The following PPP2CA variants were observed in gnomAD, a reference collection of about 807,000 sequenced individuals.
PPP2CA encodes serine/threonine-protein phosphatase 2A catalytic subunit alpha isoform.
Under a neutral mutation model 38.8 loss-of-function variants are expected in PPP2CA, and 5 were observed. That is an observed-to-expected ratio of 0.13 (90% CI 0.07 to 0.27). The LOEUF is 0.27. Ranked by LOEUF, PPP2CA falls within the 10% of genes least tolerant of loss-of-function variation. The pLI is 1.00. For missense variants in PPP2CA, 88 were observed against 389.7 expected (o/e 0.23, Z 6.52); for synonymous variants, 152 against 134.0 (o/e 1.13, Z -0.93).
chr5:134,210,070 G>C (rs926031577), intron 1 of PPP2CA, among the ~76,000 whole-genome samples: 2 of 150,146 alleles, frequency 1.3e-5, no homozygotes, highest in Non-Finnish European at 3.0e-5. Flanking sequence ...AGTGAGCCGT[G>C]ATCATACCAC....
rs74786107 is a variant in PPP2CA, at chr5:134,202,044, A to G, written c.313-23T>C. The G allele has an allele frequency of 4.9e-3, 7,627 of 1,553,944 alleles. 348 individuals carry two copies. In the African/African-American group the frequency reaches 0.096, roughly 19 times the overall value. Reference sequence around the variant, plus strand: ...AACCTAAAACAATAAAATGCAAAACATAAACAACTAGCTCTTTCAAAAACC... The same window carrying G: ...AACCTAAAACAATAAAATGCAAAACGTAAACAACTAGCTCTTTCAAAAACC... On this transcript the variant is annotated intron_variant, in intron 2 of 6. Coordinates refer to ENST00000481195, the MANE Select transcript of PPP2CA (RefSeq NM_002715.4).
At chr5:134,225,676 G>T in intron 1 of PPP2CA, 84 bp downstream of exon 1, 4 of 1,277,024 alleles carry the variant, frequency 3.1e-6, no homozygotes, top group East Asian at 2.8e-5. Flanking sequence ...GGCGGCCTCC[G>T]CCATGTTGCA....
At chr5:134,209,996 T>G (rs1301834649) in intron 1 of PPP2CA, among the ~76,000 whole-genome samples, 1 of 151,890 alleles carries the variant, frequency 6.6e-6, no homozygotes, top group African/African-American at 2.4e-5. Flanking sequence ...GAGAATCGCT[T>G]GAGCCCAGAA....
At chr5:134,204,086 A>G (rs369477245) in intron 2 of PPP2CA, among the ~76,000 whole-genome samples, 1 of 152,224 alleles carries the variant, frequency 6.6e-6, no homozygotes, top group African/African-American at 2.4e-5. Context: ...GAAAATAACG[A>G]TCTCCAAAAA....
At chr5:134,224,561 C>T (rs995022572) in intron 1 of PPP2CA, among the ~76,000 whole-genome samples, 1 of 152,150 alleles carries the variant, frequency 6.6e-6, no homozygotes, top group Non-Finnish European at 1.5e-5. Context: ...TATGATACTC[C>T]ACTATTCTGT....
Position 134,201,829 on chromosome 5 carries a change from G to T in PPP2CA, c.486+19C>A, listed in dbSNP as rs761491660. 3.1e-6 allele frequency: 5 copies of T among 1,606,740 alleles called. No individual in the cohort carries two copies. The highest frequency in any genetic ancestry group is 1.1e-5 in the South Asian group (1 of 89,646). On this transcript the variant is annotated intron_variant, in intron 3 of 6. Transcript: ENST00000481195. ...CAGATTCTCTGAAATAATCAGCAAT[G>T]AGTTTTAGATCCACATACCTGCCCA...
intron 2 of PPP2CA, among the ~76,000 whole-genome samples, chr5:134,205,302 C>G (rs959593654): frequency 6.6e-6 from 1 of 151,848 alleles, no homozygotes; most frequent in African/African-American, 2.4e-5. Flanking sequence ...TATCTAAAAA[C>G]ACAAATCTAA....
At chr5:134,217,426 T>G (rs368373648) in intron 1 of PPP2CA, among the ~76,000 whole-genome samples, 45 of 152,218 alleles carry the variant, frequency 3.0e-4, no homozygotes, top group African/African-American at 9.9e-4. Context: ...CTGGAAAAAA[T>G]GCAATTAATT....
chr5:134,201,827 A>G, intron 3 of PPP2CA, 21 bp downstream of exon 3: 2 of 1,607,018 alleles, frequency 1.2e-6, no homozygotes, highest in Non-Finnish European at 8.5e-7. Context: ...ATAATCAGCA[A>G]TGAGTTTTAG....
chr5:134,214,569 T>C (rs935560441), intron 1 of PPP2CA, among the ~76,000 whole-genome samples: 1 of 152,198 alleles, frequency 6.6e-6, no homozygotes, highest in Non-Finnish European at 1.5e-5. Flanking sequence ...TACAATGTGG[T>C]ATCACTAATT....
rs763199086 is a variant in PPP2CA, at chr5:134,197,736, T to C, written c.*36A>G. ...TTCCCATTTCCATTAGGTCGATATA[T>C]GGTTCATGGCAATACTGTACAAGTT... is the stretch of plus-strand genomic sequence containing the variant. On this transcript the variant is annotated 3_prime_UTR_variant, in exon 7 of 7. Transcript: ENST00000481195. 3.3e-6 allele frequency: 5 copies of C among 1,514,400 alleles called. No individual in the cohort carries two copies. The highest frequency in any genetic ancestry group is 1.1e-5 in the South Asian group (1 of 88,540). 93.8% of individuals were successfully genotyped at this position (1,514,400 alleles called of 1,614,324 possible).
At chr5:134,220,385 G>A (rs1762409586) in intron 1 of PPP2CA, among the ~76,000 whole-genome samples, 2 of 143,932 alleles carry the variant, frequency 1.4e-5, no homozygotes, top group Admixed American at 1.4e-4. Flanking sequence ...CTTGAACTTG[G>A]GAGGCAGAGG....
At position 134,197,711 on chromosome 5, in the gene PPP2CA, T is replaced by C. The variant is rs1165129899; in HGVS notation, c.*61A>G. ...TGACACTTTGGAGTTACTGTTGCTC[T>C]TCCCATTTCCATTAGGTCGATATAT... On this transcript the variant is annotated 3_prime_UTR_variant, in exon 7 of 7. Coordinates refer to ENST00000481195, the MANE Select transcript of PPP2CA (RefSeq NM_002715.4). 1.3e-5 allele frequency: 17 copies of C among 1,354,842 alleles called. No homozygotes were observed. Among genetic ancestry groups the C allele is most frequent in the Non-Finnish European group, 1.7e-5 (16 of 949,108 alleles). The allele number at this position is 1,354,842 out of a possible 1,614,324, so 83.9% of individuals were successfully genotyped here. A position where few individuals can be genotyped will look rare whatever the true frequency, so the allele number is the denominator to read the frequency against.
chr5:134,225,479 G>A, intron 1 of PPP2CA: 1 of 376,388 alleles, frequency 2.7e-6, no homozygotes, highest in East Asian at 5.5e-5. Flanking sequence ...CAGGGTCTCC[G>A]CTCCCCCTGC....
At chr5:134,225,644 G>T in intron 1 of PPP2CA, 116 bp downstream of exon 1, 1 of 863,952 alleles carries the variant, frequency 1.2e-6, no homozygotes, top group Non-Finnish European at 1.7e-6. Flanking sequence ...CGCCGGTCTC[G>T]GAGACTCGGG....
intron 1 of PPP2CA, among the ~76,000 whole-genome samples, chr5:134,217,743 T>C (rs1336535250): frequency 6.6e-6 from 1 of 152,230 alleles, no homozygotes; most frequent in Non-Finnish European, 1.5e-5. Context: ...CCTTCAACTA[T>C]CAAACCATTC....
rs79584644 is a variant in PPP2CA, at chr5:134,222,734, T to C, written c.102+3026A>G. ...TTGAAACATACCCGGCCAGTTATAC[T>C]GATGTAATGCTGATTATAGAACTGA... On this transcript the variant is annotated intron_variant, in intron 1 of 6. Transcript: ENST00000481195. 8.4e-3 allele frequency among the ~76,000 whole-genome samples: 1,286 copies of C among 152,362 alleles called. 24 individuals carry two copies. Among genetic ancestry groups the C allele is most frequent in the African/African-American group, 0.03 (1,231 of 41,586 alleles).
rs776204506 is a variant in PPP2CA, at chr5:134,220,237, TC to T, written c.102+5522del. 4.6e-5 allele frequency among the ~76,000 whole-genome samples: 7 copies of T among 151,674 alleles called. No individual in the cohort carries two copies. In the East Asian group the frequency reaches 1.2e-3, roughly 25 times the overall value. Reference sequence around the variant, plus strand: ...ACTTTGGGAGGCTGAGATGGGTGGATCACTTGACGTAAGGAGTTCAAGACCA... The same window carrying T: ...ACTTTGGGAGGCTGAGATGGGTGGATACTTGACGTAAGGAGTTCAAGACCA... On this transcript the variant is annotated intron_variant, in intron 1 of 6. Transcript: ENST00000481195.
intron 1 of PPP2CA, among the ~76,000 whole-genome samples, chr5:134,216,464 C>CA (rs1358210590): frequency 7.1e-6 from 1 of 141,042 alleles, no homozygotes; most frequent in Non-Finnish European, 1.5e-5. Flanking sequence ...CACTTGAACC[C>CA]ATGAGGCGGA....
Sources: allele counts gnomAD v4.1 joint callset (sites outside exome capture counted in the v4.1 genomes callset), GRCh38; gene constraint gnomAD v4.1.1; transcripts MANE v1.5; gene names NCBI Gene and HGNC (gene_info 2026-07-23, HGNC 2026-07-21).